Variants in DPP4 observed in about 807,000 individuals in gnomAD.
The protein encoded by DPP4 is dipeptidyl peptidase 4.
DPP4 carries 93 observed loss-of-function variants against 122.4 expected under a neutral mutation model. That is an observed-to-expected ratio of 0.76 (90% CI 0.64 to 0.90). The LOEUF is 0.90. Ranked by LOEUF, DPP4 falls within the 40% of genes least tolerant of loss-of-function variation. DPP4 has a pLI of 0.00. For missense variants in DPP4, 914 were observed against 907.3 expected (o/e 1.01, Z -0.09); for synonymous variants, 321 against 302.9 (o/e 1.06, Z -0.62).
At chr2:162,048,372 C>A (rs1186140594) in intron 2 of DPP4, among the ~76,000 whole-genome samples, 1 of 152,096 alleles carries the variant, frequency 6.6e-6, no homozygotes, top group African/African-American at 2.4e-5. Context: ...TCTCTCCCTC[C>A]TCTGCACCAC....
intron 14 of DPP4, among the ~76,000 whole-genome samples, chr2:162,019,844 T>C (rs1374437588): frequency 6.6e-6 from 1 of 152,224 alleles, no homozygotes; most frequent in Non-Finnish European, 1.5e-5. Context: ...TGCAAAGCTT[T>C]CCATTTTGCA....
intron 2 of DPP4, among the ~76,000 whole-genome samples, chr2:162,065,180 G>C (rs946200651): frequency 2.0e-5 from 3 of 152,224 alleles, no homozygotes; most frequent in Non-Finnish European, 2.9e-5. Context: ...ATATGGACAA[G>C]TGACACAAAT....
chr2:161,992,545 A>C lies in DPP4; in HGVS notation c.*738T>G, dbSNP rs1422205247. 6.6e-6 allele frequency: 1 copy of C among 152,494 alleles called. No homozygotes were observed. Among genetic ancestry groups the C allele is most frequent in the Non-Finnish European group, 1.5e-5 (1 of 67,992 alleles). 9.4% of individuals were successfully genotyped at this position (152,494 alleles called of 1,614,324 possible). A position where few individuals can be genotyped will look rare whatever the true frequency, so the allele number is the denominator to read the frequency against. On this transcript the variant is annotated 3_prime_UTR_variant, in exon 26 of 26. Coordinates refer to ENST00000360534, the MANE Select transcript of DPP4 (RefSeq NM_001935.4). ...ACTAGGAACATCAGTATTTTTTTTT[A>C]AAAGCACATTTACAATGCTTTCCCA...
At chr2:162,033,392 C>A (rs986989205) in intron 10 of DPP4, 149 bp downstream of exon 10, 7 of 574,104 alleles carry the variant, frequency 1.2e-5, no homozygotes, top group East Asian at 9.5e-5. Context: ...AGATGCTCAA[C>A]AAAGAGTTGC....
intron 2 of DPP4, among the ~76,000 whole-genome samples, chr2:162,054,094 G>A (rs187184684): frequency 6.6e-6 from 1 of 152,318 alleles, no homozygotes; most frequent in African/African-American, 2.4e-5. Flanking sequence ...TCTGAAACAT[G>A]GGACATGGAG....
intron 2 of DPP4, among the ~76,000 whole-genome samples, chr2:162,067,626 A>G (rs571086930): frequency 6.6e-6 from 1 of 152,342 alleles, no homozygotes; most frequent in South Asian, 2.1e-4. Flanking sequence ...CTAGGAAGTT[A>G]TAATTTTGAA....
chr2:162,017,341 T>C, intron 16 of DPP4, 186 bp from the exon 17 acceptor site: 2 of 580,232 alleles, frequency 3.4e-6, no homozygotes, highest in Non-Finnish European at 6.1e-6. Flanking sequence ...ATAGTTGCAA[T>C]TTCAGTGTAA....
intron 20 of DPP4, 91 bp from the exon 21 acceptor site, chr2:162,009,386 C>T: frequency 8.6e-7 from 1 of 1,159,268 alleles, no homozygotes; most frequent in Non-Finnish European, 1.3e-6. Context: ...GCCATTTGTT[C>T]TCTGCTTCAT....
At chr2:162,023,333 C>G (rs1471387810) in intron 11 of DPP4, among the ~76,000 whole-genome samples, 1 of 152,172 alleles carries the variant, frequency 6.6e-6, no homozygotes, top group African/African-American at 2.4e-5. Flanking sequence ...CCTTAGTTAG[C>G]AATAGATAGG....
intron 10 of DPP4, among the ~76,000 whole-genome samples, chr2:162,032,844 G>T (rs1268248509): frequency 6.6e-6 from 1 of 152,194 alleles, no homozygotes; most frequent in Non-Finnish European, 1.5e-5. Context: ...GTGCTCCATG[G>T]CGGAATTTCA....
chr2:162,055,016 T>C (rs768595592), intron 2 of DPP4, among the ~76,000 whole-genome samples: 5 of 152,102 alleles, frequency 3.3e-5, no homozygotes, highest in Non-Finnish European at 7.4e-5. Context: ...AAAAAGAATA[T>C]AAAAGAGTCT....
intron 2 of DPP4, among the ~76,000 whole-genome samples, chr2:162,064,029 C>T (rs1273409348): frequency 6.6e-6 from 1 of 152,108 alleles, no homozygotes; most frequent in Non-Finnish European, 1.5e-5. Context: ...ATTCCTCTAA[C>T]TTGGGAGGGG....
intron 2 of DPP4, among the ~76,000 whole-genome samples, chr2:162,049,356 C>G (rs57798278): frequency 0.01 from 1,553 of 152,218 alleles, 30 homozygotes; most frequent in African/African-American, 0.035. Flanking sequence ...AAGCCATTAT[C>G]CTCAGCAAAG....
chr2:162,050,651 G>C (rs1326283412), intron 2 of DPP4, among the ~76,000 whole-genome samples: 1 of 152,324 alleles, frequency 6.6e-6, no homozygotes, highest in Middle Eastern at 3.4e-3. Flanking sequence ...GGCTAAATTG[G>C]AGCAAGCAGA....
intron 2 of DPP4, among the ~76,000 whole-genome samples, chr2:162,048,587 A>T (rs1249490638): frequency 6.6e-6 from 1 of 152,112 alleles, no homozygotes; most frequent in Non-Finnish European, 1.5e-5. Context: ...AGCCCACTGA[A>T]CCCAGAAGAT....
At chr2:162,026,037 G>A (rs992831627) in intron 10 of DPP4, among the ~76,000 whole-genome samples, 1 of 152,152 alleles carries the variant, frequency 6.6e-6, no homozygotes, top group African/African-American at 2.4e-5. Flanking sequence ...CAGCACAGAA[G>A]AAAGCAAAGC....
chr2:162,057,698 T>C (rs750904058), intron 2 of DPP4, among the ~76,000 whole-genome samples: 5 of 152,220 alleles, frequency 3.3e-5, no homozygotes, highest in Non-Finnish European at 7.3e-5. Context: ...CTTTCTCAGT[T>C]ACCTCAGAGT....
intron 23 of DPP4, among the ~76,000 whole-genome samples, chr2:162,003,491 T>C (rs1701205296): frequency 6.6e-6 from 1 of 152,166 alleles, no homozygotes; most frequent in Non-Finnish European, 1.5e-5. Flanking sequence ...CCTCCTTAGA[T>C]GTCAAGGTTG....
intron 4 of DPP4, among the ~76,000 whole-genome samples, chr2:162,046,392 G>T (rs891153081): frequency 4.6e-5 from 7 of 152,114 alleles, no homozygotes; most frequent in African/African-American, 1.7e-4. Context: ...ACTTGGAGGA[G>T]AATTAAGTAA....
Sources: allele counts gnomAD v4.1 joint callset (sites outside exome capture counted in the v4.1 genomes callset), GRCh38; gene constraint gnomAD v4.1.1; transcripts MANE v1.5; gene names NCBI Gene and HGNC (gene_info 2026-07-23, HGNC 2026-07-21).